Variants in ACLY observed in about 807,000 individuals in gnomAD.
ACLY encodes ATP citrate lyase, also known as ATP-citrate synthase.
In ACLY, 41 loss-of-function variants were observed where a neutral mutation model predicts 133.0. The observed-to-expected ratio is 0.31, with a 90% CI of 0.24 to 0.40. The LOEUF (loss-of-function observed/expected upper bound fraction) is 0.40, where lower values mean the gene tolerates loss of function less well. ACLY is among the 10% of genes least tolerant of loss of function. The pLI is 1.00. For missense variants in ACLY, 1,046 were observed against 1,453.8 expected, an observed-to-expected ratio of 0.72 and a Z score of 4.56; for synonymous variants, 495 against 549.3, an observed-to-expected ratio of 0.90 and a Z score of 1.38.
At chr17:41,911,339 G>A (rs1555633615) in intron 3 of ACLY, among the ~76,000 whole-genome samples, 1 of 152,140 alleles carries the variant, frequency 6.6e-6, no homozygotes, top group African/African-American at 2.4e-5. Flanking sequence ...AGCCAGGTGT[G>A]GATGGCACAT....
intron 22 of ACLY, among the ~76,000 whole-genome samples, chr17:41,874,255 G>A (rs919404792): frequency 2.6e-5 from 4 of 152,186 alleles, no homozygotes; most frequent in African/African-American, 9.7e-5. Flanking sequence ...AATAGCCTAA[G>A]CAGTTCATAT....
chr17:41,890,835 T>C (rs1555629102), intron 16 of ACLY, among the ~76,000 whole-genome samples: 1 of 6,254 alleles, frequency 1.6e-4, no homozygotes, highest in Non-Finnish European at 3.9e-4. Flanking sequence ...ACCCCATCTG[T>C]ACAAAAAAAA....
intron 25 of ACLY, 85 bp from the exon 26 acceptor site, chr17:41,869,672 C>T (rs979827181): frequency 4.3e-6 from 5 of 1,160,512 alleles, no homozygotes; most frequent in African/African-American, 3.0e-5. Flanking sequence ...GTAGGTAGAA[C>T]TGGACATATC....
At chr17:41,904,360 G>GGGAAAGGAAGAA (rs2049643532) in intron 10 of ACLY, 1 of 5,038 alleles carries the variant, frequency 2.0e-4, no homozygotes, top group Admixed American at 3.9e-3. Flanking sequence ...GAAGAAGGAA[G>GGGAAAGGAAGAA]GGAAGGGAAG....
At chr17:41,905,245 G>A (rs1567908098) in intron 9 of ACLY, among the ~76,000 whole-genome samples, 1 of 152,194 alleles carries the variant, frequency 6.6e-6, no homozygotes, top group Non-Finnish European at 1.5e-5. Context: ...TACTGCAATT[G>A]TAGCAGGAGC....
chr17:41,877,145 CTT>C (rs879951363), intron 22 of ACLY, among the ~76,000 whole-genome samples: 3 of 144,954 alleles, frequency 2.1e-5, no homozygotes, highest in Non-Finnish European at 1.5e-5. Flanking sequence ...TCTCTCTCTC[CTT>C]TTTTTTTTTT....
chr17:41,908,265 C>T (rs1257045520), intron 6 of ACLY, among the ~76,000 whole-genome samples: 1 of 152,222 alleles, frequency 6.6e-6, no homozygotes, highest in Non-Finnish European at 1.5e-5. Flanking sequence ...GCTTCCTTCA[C>T]AGCCCAAGAG....
In ACLY at chr17:41,890,384, G is replaced by GA. The variant is rs781914466; in HGVS notation, c.1770+1894dup. ...CTCTGGCTTGGGAAGCTGACCGATT[G>GA]AAAAAAAAAAAAAAAATTTGCCGGG... On this transcript the variant is annotated intron_variant, in intron 16 of 28. Transcript: ENST00000352035. Among the ~76,000 whole-genome samples the GA allele has an allele frequency of 3.8e-3, 501 of 132,344 alleles. 1 individual carries two copies. Among genetic ancestry groups the GA allele is most frequent in the Admixed American group, 5.1e-3 (65 of 12,860 alleles). 86.8% of individuals were successfully genotyped at this position (132,344 alleles called of 152,430 possible).
intron 18 of ACLY, among the ~76,000 whole-genome samples, 153 bp from the exon 19 acceptor site, chr17:41,884,427 C>G (rs1555627846): frequency 6.6e-6 from 1 of 151,860 alleles, no homozygotes; most frequent in African/African-American, 2.4e-5. Context: ...CAATAATGGA[C>G]AGGGGAAGGT....
At chr17:41,899,842 G>A (rs1193299458) in intron 11 of ACLY, among the ~76,000 whole-genome samples, 5 of 151,684 alleles carry the variant, frequency 3.3e-5, no homozygotes, top group African/African-American at 7.3e-5. Flanking sequence ...CCAAGAGTTC[G>A]AGACCAGCCT....
At chr17:41,887,763 A>G (rs553541682) in intron 16 of ACLY, 60 bp from the exon 17 acceptor site, 1 of 1,451,382 alleles carries the variant, frequency 6.9e-7, no homozygotes, top group Admixed American at 1.7e-5. Context: ...GCAACAAGAC[A>G]GCACCGTTTA....
At chr17:41,869,006 C>CA (rs2048532559) in intron 27 of ACLY, 37 bp downstream of exon 27, 1 of 1,553,644 alleles carries the variant, frequency 6.4e-7, no homozygotes, top group Admixed American at 1.8e-5. Context: ...CAAAAATCAA[C>CA]AAACGTAATG....
rs944249979 is a variant in ACLY, at chr17:41,893,073, G to A, written c.1561C>T (p.Arg521Ter). 2 of 1,614,076 alleles carry A rather than the reference G, an allele frequency of 1.2e-6. No homozygotes were observed. Among genetic ancestry groups the A allele is most frequent in the Non-Finnish European group, 1.7e-6 (2 of 1,179,982 alleles). The change falls in exon 15 of 29, where the codon CGA becomes TGA. Residue 521 changes from arginine to a stop codon, truncating the protein, a stop_gained. Transcript: ENST00000352035. LOFTEE classifies it high-confidence loss of function. ...ATGGCAGCCACTGAGGGCTCGTCTC[G>A]GGAGCAGACATAGTCAAAGTCCAGC... ...GMLDFDYVCSRDEPSVAAMVY... is the reference protein window; with the variant it reads ...GMLDFDYVCS
intron 23 of ACLY, 32 bp from the exon 24 acceptor site, chr17:41,872,214 GT>G: frequency 6.2e-7 from 1 of 1,601,562 alleles, no homozygotes; most frequent in Middle Eastern, 1.7e-4. Context: ...CCAGGAGATG[GT>G]CGACAAGGCC....
chr17:41,899,859 C>T (rs1281522152), intron 11 of ACLY, among the ~76,000 whole-genome samples: 2 of 151,754 alleles, frequency 1.3e-5, no homozygotes, highest in African/African-American at 2.4e-5. Flanking sequence ...GCCTGGGCAA[C>T]ATGGCAAAAG....
rs2048495702 is a variant in ACLY, at chr17:41,867,459, G to GT, written c.*350dup. 1 of 161,812 alleles carries GT rather than the reference G, an allele frequency of 6.2e-6. No individual in the cohort carries two copies. Among genetic ancestry groups the GT allele is most frequent in the African/African-American group, 2.4e-5 (1 of 41,804 alleles). 10.0% of individuals were successfully genotyped at this position (161,812 alleles called of 1,614,324 possible). On this transcript the variant is annotated 3_prime_UTR_variant, in exon 29 of 29. Coordinates refer to ENST00000352035, the MANE Select transcript of ACLY (RefSeq NM_001096.3). ...CCCTTCCTCCAAAGGAGAAAAAAATGTTTAACTAATGGAAAAAGAAAGCAA... is the reference window on the plus strand; with the variant it reads ...CCCTTCCTCCAAAGGAGAAAAAAATGTTTTAACTAATGGAAAAAGAAAGCAA...
chr17:41,891,302 C>T (rs1371603499), intron 16 of ACLY, among the ~76,000 whole-genome samples: 1 of 152,188 alleles, frequency 6.6e-6, no homozygotes, highest in Non-Finnish European at 1.5e-5. Context: ...AAACACAAGC[C>T]ATGGCATCCA....
rs528183786 is a variant in ACLY at position 41,875,677 on chromosome 17, C to T, written c.2488-1712G>A. Among the ~76,000 whole-genome samples the T allele has an allele frequency of 5.4e-4, 83 of 152,338 alleles. 1 individual carries two copies. Among genetic ancestry groups the T allele is most frequent in the Admixed American group, 1.2e-3 (19 of 15,300 alleles). ...TGGGCTGGTCTCCAGCTCCTAACCA[C>T]GAGTGATCCGCCAGCCTCGGCCTCC... On this transcript the variant is annotated intron_variant, in intron 22 of 28. Transcript: ENST00000352035.
chr17:41,890,396 A>G (rs1053576092), intron 16 of ACLY, among the ~76,000 whole-genome samples: 2 of 152,028 alleles, frequency 1.3e-5, no homozygotes, highest in African/African-American at 4.8e-5. Context: ...AAAAAAAAAA[A>G]AAAATTTGCC....
Sources: gnomAD v4.1 joint callset for allele counts (sites outside exome capture counted in the v4.1 genomes callset) on GRCh38, gnomAD v4.1.1 for gene constraint, MANE v1.5 for transcripts, NCBI Gene and HGNC (gene_info 2026-07-23, HGNC 2026-07-21) for gene names.